CCDC81: variants seen among roughly 807,000 people sequenced by gnomAD.
The protein encoded by CCDC81 is coiled-coil domain-containing protein 81.
A neutral mutation model predicts 83.7 loss-of-function variants in CCDC81; 79 were observed. The observed-to-expected ratio is 0.94, with a 90% confidence interval of 0.79 to 1.14. CCDC81 has a LOEUF of 1.14. Ranked by LOEUF, CCDC81 falls within the 50% of genes most tolerant of loss-of-function variation. The pLI, the probability that CCDC81 is intolerant of heterozygous loss-of-function variation, is 0.00. For synonymous variants in CCDC81, 252 were observed against 278.1 expected (o/e 0.91, Z 0.93); for missense variants, 791 against 778.1 (o/e 1.02, Z -0.20).
intron 1 of CCDC81, among the ~76,000 whole-genome samples, chr11:86,382,529 T>C (rs1367287136): frequency 6.6e-6 from 1 of 151,982 alleles, no homozygotes; most frequent in Admixed American, 6.6e-5. Context: ...AAGATTGCGG[T>C]TTTGGGCAAG....
chr11:86,395,267 A>C, intron 4 of CCDC81, 67 bp from the exon 5 acceptor site: 2 of 1,246,944 alleles, frequency 1.6e-6, no homozygotes, highest in Non-Finnish European at 1.2e-6. Context: ...ATGAGCCTGC[A>C]GTTTTTAATT....
intron 1 of CCDC81, 39 bp downstream of exon 1, chr11:86,375,281 G>T: frequency 1.3e-6 from 2 of 1,554,940 alleles, no homozygotes; most frequent in South Asian, 1.1e-5. Flanking sequence ...CCTGGGGATT[G>T]AATCTTCATC....
intron 7 of CCDC81, among the ~76,000 whole-genome samples, chr11:86,402,164 A>C (rs1948500983): frequency 1.3e-5 from 2 of 151,266 alleles, no homozygotes; most frequent in Admixed American, 1.3e-4. Context: ...GAAGTTAACC[A>C]AAAAATGTTT....
chr11:86,375,976 C>A (rs1390568364), intron 1 of CCDC81, among the ~76,000 whole-genome samples: 1 of 152,210 alleles, frequency 6.6e-6, no homozygotes, highest in Non-Finnish European at 1.5e-5. Context: ...CTGCATCACT[C>A]CTATCTTTTC....
intron 6 of CCDC81, among the ~76,000 whole-genome samples, chr11:86,399,549 C>A (rs145807388): frequency 1.2e-4 from 19 of 152,244 alleles, no homozygotes; most frequent in African/African-American, 4.1e-4. Context: ...CTCCTGAGCT[C>A]AAACGATCTG....
rs1948816233 is a variant in CCDC81 at position 86,422,967 on chromosome 11, A to G, written c.*252A>G. On this transcript the variant is annotated 3_prime_UTR_variant, in exon 15 of 15. Coordinates refer to ENST00000445632, the MANE Select transcript of CCDC81 (RefSeq NM_001156474.2). ...TCCTGAGGGCTAGAACCTGCTGCAC[A>G]GGGGCTGGGAATGGGATCCAGCTTC... The G allele has an allele frequency of 1.0e-5, 4 of 396,358 alleles. No homozygotes were observed. Among genetic ancestry groups the G allele is most frequent in the East Asian group, 9.1e-5 (2 of 22,028 alleles). The allele number at this position is 396,358 out of a possible 1,614,324, so 24.6% of individuals were successfully genotyped here. A position where few individuals can be genotyped will look rare whatever the true frequency, so the allele number is the denominator to read the frequency against.
intron 7 of CCDC81, among the ~76,000 whole-genome samples, chr11:86,403,093 A>G (rs566779198): frequency 2.0e-5 from 3 of 149,662 alleles, no homozygotes; most frequent in African/African-American, 7.4e-5. Flanking sequence ...GCCTCAAGCA[A>G]TCCTCCCACT....
intron 12 of CCDC81, 40 bp from the exon 13 acceptor site, chr11:86,415,053 G>C (rs1948697354): frequency 6.3e-7 from 1 of 1,597,786 alleles, no homozygotes; most frequent in Admixed American, 1.7e-5. Flanking sequence ...CTTATTCCCT[G>C]GTAGAATGAT....
chr11:86,403,044 G>C (rs865806000), intron 7 of CCDC81, among the ~76,000 whole-genome samples: 1 of 143,824 alleles, frequency 7.0e-6, no homozygotes, highest in East Asian at 2.0e-4. Context: ...TGTAGAGATG[G>C]GGTCTTAGTA....
chr11:86,384,743 G>C (rs966441103), intron 1 of CCDC81, among the ~76,000 whole-genome samples: 16 of 152,264 alleles, frequency 1.1e-4, no homozygotes, highest in Admixed American at 1.0e-3. Flanking sequence ...CACTGTTCTT[G>C]ATTTTTTATT....
At chr11:86,419,670 G>A in intron 13 of CCDC81, 1 of 280,242 alleles carries the variant, frequency 3.6e-6, no homozygotes, top group African/African-American at 2.2e-5. Flanking sequence ...GGTTTTACAG[G>A]TTGAAGTTGT....
In CCDC81 at chr11:86,422,917, G is replaced by A; in HGVS notation, c.*202G>A. On this transcript the variant is annotated 3_prime_UTR_variant, in exon 15 of 15. Coordinates refer to ENST00000445632, the MANE Select transcript of CCDC81 (RefSeq NM_001156474.2). ...CCAATTATTTCCTATACTAGTTTCT[G>A]ATGGCAGTGAAGGTGTCTGAATGGT... is the stretch of plus-strand genomic sequence containing the variant. The A allele has an allele frequency of 1.8e-6, 1 of 567,888 alleles. No homozygotes were observed. 35.2% of individuals were successfully genotyped at this position (567,888 alleles called of 1,614,324 possible).
At chr11:86,377,722 T>C (rs959612655) in intron 1 of CCDC81, among the ~76,000 whole-genome samples, 12 of 152,182 alleles carry the variant, frequency 7.9e-5, no homozygotes, top group African/African-American at 2.9e-4. Context: ...GTGGCTTGTC[T>C]TCTCATTCTC....
In CCDC81 at chr11:86,401,006, C is replaced by T. The variant is rs574371948; in HGVS notation, c.881+205C>T. Among the ~76,000 whole-genome samples, 13 of 152,120 alleles carry T rather than the reference C, an allele frequency of 8.5e-5. No individual in the cohort carries two copies. The East Asian group carries it at 1.7e-3, about 20-fold the overall frequency. On this transcript the variant is annotated intron_variant, in intron 7 of 14. Transcript: ENST00000445632. ...CAGACATATGCAGAGGGATAAATTA[C>T]GATTCAGTGGAATAGATGTTATGAC...
rs1489170572 is a variant in CCDC81, at chr11:86,419,934, G to A, written c.1698G>A (p.Leu566=). ...GCTGTTCTTTTCTCTCCAGGCACTT[G>A]GCAGACAGAACCGCTGAGCTGGAGC... ...QMLQRTQREH[L]ADRTAELERV... Residue 566 remains leucine (L), a synonymous_variant, in exon 14 of 15, where the codon TTG becomes TTA. Coordinates refer to ENST00000445632, the MANE Select transcript of CCDC81 (RefSeq NM_001156474.2). 1 of 1,611,670 alleles carries A rather than the reference G, an allele frequency of 6.2e-7. No homozygotes were observed. Among genetic ancestry groups the A allele is most frequent in the South Asian group, 1.1e-5 (1 of 90,578 alleles).
At chr11:86,385,608 C>T (rs1046433683) in intron 1 of CCDC81, among the ~76,000 whole-genome samples, 2 of 152,166 alleles carry the variant, frequency 1.3e-5, no homozygotes, top group Non-Finnish European at 2.9e-5. Flanking sequence ...CAGCCTTTCA[C>T]GCCTTAGTGG....
chr11:86,389,571 A>G (rs1695333850), intron 3 of CCDC81, among the ~76,000 whole-genome samples: 1 of 152,028 alleles, frequency 6.6e-6, no homozygotes. Flanking sequence ...TGAAATGGGG[A>G]GGCACCACAC....
rs747821160 is a variant in CCDC81, at chr11:86,409,349, A to G, written c.1202A>G (p.Glu401Gly). 2 of 1,519,042 alleles carry G rather than the reference A, an allele frequency of 1.3e-6. No individual in the cohort carries two copies. The highest frequency in any genetic ancestry group is 1.7e-4 in the Middle Eastern group (1 of 5,728). 94.1% of individuals were successfully genotyped at this position (1,519,042 alleles called of 1,614,324 possible). Residue 401 changes from glutamate to glycine, a missense_variant, in exon 10 of 15, where the codon GAG becomes GGG. By Grantham distance (98) the Glu-to-Gly change is moderately conservative. Transcript: ENST00000445632. ...GAAGCTATAAGAAACCACAAGAATGAGAAACCGGAATTTTATGTAAGTCTT... is the reference window on the plus strand; with the variant it reads ...GAAGCTATAAGAAACCACAAGAATGGGAAACCGGAATTTTATGTAAGTCTT... The part of the protein sequence containing the change: ...VAEAIRNHKN[E>G]KPEFYKSFLF...
intron 5 of CCDC81, among the ~76,000 whole-genome samples, chr11:86,395,974 C>T (rs1482590429): frequency 6.6e-6 from 1 of 152,140 alleles, no homozygotes; most frequent in African/African-American, 2.4e-5. Context: ...CTGATACTAC[C>T]TTCCATTAAC....
Sources: gnomAD v4.1 joint callset for allele counts (sites outside exome capture counted in the v4.1 genomes callset) on GRCh38, gnomAD v4.1.1 for gene constraint, MANE v1.5 for transcripts, NCBI Gene and HGNC (gene_info 2026-07-23, HGNC 2026-07-21) for gene names.